Variants in RALGAPA1 observed in about 807,000 individuals in gnomAD.
RALGAPA1 encodes the protein Ral GTPase activating protein catalytic subunit alpha 1.
Under a neutral mutation model 269.6 loss-of-function variants are expected in RALGAPA1, and 52 were observed. The ratio of observed to expected loss-of-function variants is 0.19; its 90% CI spans 0.15 to 0.24. The LOEUF is 0.24. Ranked by LOEUF, RALGAPA1 falls within the 10% of genes least tolerant of loss-of-function variation. The pLI is 1.00. For synonymous variants in RALGAPA1, 817 were observed against 1,008.3 expected, an observed-to-expected ratio of 0.81 and a Z score of 3.60; for missense variants, 1,917 against 3,013.9, an observed-to-expected ratio of 0.64 and a Z score of 8.52.
At chr14:35,616,987 G>A (rs1482336768) in intron 35 of RALGAPA1, among the ~76,000 whole-genome samples, 1 of 152,126 alleles carries the variant, frequency 6.6e-6, no homozygotes, top group Non-Finnish European at 1.5e-5. Flanking sequence ...AACCGTCTTG[G>A]AAAGAATAAG....
intron 39 of RALGAPA1, among the ~76,000 whole-genome samples, chr14:35,568,735 C>T (rs1269852169): frequency 6.6e-6 from 1 of 152,120 alleles, no homozygotes; most frequent in Non-Finnish European, 1.5e-5. Flanking sequence ...TTGAATAGTT[C>T]CTCCTAATGC....
chr14:35,767,791 G>A (rs2074271764), intron 4 of RALGAPA1, among the ~76,000 whole-genome samples: 1 of 151,912 alleles, frequency 6.6e-6, no homozygotes, highest in East Asian at 1.9e-4. Context: ...TTTTATTGTT[G>A]AGACAGGGTA....
chr14:35,799,197 T>A (rs2076796615), intron 1 of RALGAPA1, among the ~76,000 whole-genome samples: 1 of 152,144 alleles, frequency 6.6e-6, no homozygotes, highest in Non-Finnish European at 1.5e-5. Context: ...AAGTAAATTC[T>A]TACAAGGTTC....
chr14:35,789,298 A>G (rs558149376), intron 1 of RALGAPA1, among the ~76,000 whole-genome samples: 3 of 152,044 alleles, frequency 2.0e-5, no homozygotes, highest in South Asian at 2.1e-4. Flanking sequence ...CACCCTCCTT[A>G]TAAGAATCTA....
chr14:35,732,275 A>G (rs2141050211), intron 12 of RALGAPA1, among the ~76,000 whole-genome samples: 1 of 152,306 alleles, frequency 6.6e-6, no homozygotes, highest in East Asian at 1.9e-4. Context: ...ATATCAAAAC[A>G]GAACCTTTTT....
intron 37 of RALGAPA1, among the ~76,000 whole-genome samples, chr14:35,574,324 A>T (rs2057406195): frequency 6.6e-6 from 1 of 152,210 alleles, no homozygotes; most frequent in South Asian, 2.1e-4. Context: ...AAAAAGGGCA[A>T]GTATACTTTT....
At chr14:35,797,051 GTA>G (rs1055576092) in intron 1 of RALGAPA1, among the ~76,000 whole-genome samples, 24 of 151,948 alleles carry the variant, frequency 1.6e-4, no homozygotes, top group Admixed American at 5.3e-4. Context: ...CCTCCCGAAA[GTA>G]TCTTTAAAAA....
chr14:35,688,905 T>C lies in RALGAPA1; in HGVS notation c.3506A>G (p.Asn1169Ser). Residue 1169 changes from asparagine (N) to serine (S), a missense_variant, in exon 18 of 42, where the codon AAC becomes AGC. Coordinates refer to ENST00000680220, the MANE Select transcript of RALGAPA1 (RefSeq NM_001346249.2). ...TCTCATCTTCCATGGAGCCTCTTTG[T>C]TTTCCAGAGGATTATAAAACTGAAC... is the stretch of plus-strand genomic sequence containing the variant. ...ESVQFYNPLE[N>S]KEAPWKMRLR... 45 of 1,262,952 alleles carry C rather than the reference T, an allele frequency of 3.6e-5. No homozygotes were observed. Among genetic ancestry groups the C allele is most frequent in the Non-Finnish European group, 4.4e-5 (44 of 1,006,120 alleles). 78.2% of individuals were successfully genotyped at this position (1,262,952 alleles called of 1,614,324 possible).
At chr14:35,552,503 T>C (rs577873114) in intron 39 of RALGAPA1, among the ~76,000 whole-genome samples, 129 of 152,180 alleles carry the variant, frequency 8.5e-4, no homozygotes, top group Non-Finnish European at 1.4e-3. Flanking sequence ...CCTGTTGCCA[T>C]TGGCATTGAA....
chr14:35,759,686 A>G (rs527831629), intron 6 of RALGAPA1, among the ~76,000 whole-genome samples: 1 of 152,038 alleles, frequency 6.6e-6, no homozygotes, highest in East Asian at 1.9e-4. Context: ...GAGGCGGACC[A>G]ATCACTTGAG....
At chr14:35,684,558 C>T (rs2065753892) in intron 20 of RALGAPA1, among the ~76,000 whole-genome samples, 1 of 152,160 alleles carries the variant, frequency 6.6e-6, no homozygotes, top group Non-Finnish European at 1.5e-5. Flanking sequence ...AAGAAGGGAT[C>T]ACATTTTTTG....
chr14:35,794,669 G>C (rs1179097256), intron 1 of RALGAPA1, among the ~76,000 whole-genome samples: 1 of 152,158 alleles, frequency 6.6e-6, no homozygotes, highest in Non-Finnish European at 1.5e-5. Context: ...GTGTTAGCCA[G>C]GATGGTCTCA....
Position 35,631,448 on chromosome 14 carries a change from A to T in RALGAPA1, c.5995+3126T>A, listed in dbSNP as rs184358518. Among the ~76,000 whole-genome samples, 25 of 152,312 alleles carry T rather than the reference A, an allele frequency of 1.6e-4. No individual in the cohort carries two copies. The East Asian group carries it at 3.5e-3, about 21-fold the overall frequency. On this transcript the variant is annotated intron_variant, in intron 33 of 41. Coordinates refer to ENST00000680220, the MANE Select transcript of RALGAPA1 (RefSeq NM_001346249.2). The stretch of plus-strand genomic sequence containing the variant: ...TGGAAAAAAATCAAGACTAAACCGA[A>T]TTTTAAATGGTAACAAAAATTAAAA...
chr14:35,645,869 A>G (rs2062405182), intron 31 of RALGAPA1, among the ~76,000 whole-genome samples: 1 of 152,186 alleles, frequency 6.6e-6, no homozygotes, highest in Non-Finnish European at 1.5e-5. Flanking sequence ...GGACAGGGAA[A>G]GCACAAAGTG....
In RALGAPA1 at chr14:35,801,300, G is replaced by A. The variant is rs368340498; in HGVS notation, c.106+7430C>T. 6.8e-5 allele frequency among the ~76,000 whole-genome samples: 10 copies of A among 147,338 alleles called. 1 individual carries two copies. Among genetic ancestry groups the A allele is most frequent in the African/African-American group, 1.8e-4 (7 of 39,924 alleles). ...ACACACACATTTGAGATAGAGTCTCGCTCTGTTGCCCTGGCTGGAGTACAG... is the reference window on the plus strand; with the variant it reads ...ACACACACATTTGAGATAGAGTCTCACTCTGTTGCCCTGGCTGGAGTACAG... On this transcript the variant is annotated intron_variant, in intron 1 of 41. Transcript: ENST00000680220.
rs193184052 is a variant in RALGAPA1 at position 35,693,714 on chromosome 14, T to C, written c.2408-3711A>G. On this transcript the variant is annotated intron_variant, in intron 17 of 41. Transcript: ENST00000680220. Reference sequence around the variant, plus strand: ...GATTTACACAAACTGCTTTTGAACATTGAGAAAATGCTTTGGTAAAATAAA... The same window carrying C: ...GATTTACACAAACTGCTTTTGAACACTGAGAAAATGCTTTGGTAAAATAAA... Among the ~76,000 whole-genome samples the C allele has an allele frequency of 4.3e-3, 654 of 152,150 alleles. 2 individuals are homozygous for C. Among genetic ancestry groups the C allele is most frequent in the Admixed American group, 6.4e-3 (98 of 15,294 alleles).
At chr14:35,550,231 T>C (rs2054864406) in intron 39 of RALGAPA1, among the ~76,000 whole-genome samples, 1 of 152,222 alleles carries the variant, frequency 6.6e-6, no homozygotes, top group African/African-American at 2.4e-5. Flanking sequence ...ACATGCTGAC[T>C]TCATGTCATA....
intron 13 of RALGAPA1, 50 bp downstream of exon 13, chr14:35,728,312 C>T (rs2070158202): frequency 2.1e-6 from 3 of 1,430,174 alleles, no homozygotes; most frequent in Admixed American, 2.5e-5. Flanking sequence ...ATTACTATAC[C>T]TGTGTACACA....
At chr14:35,621,938 T>C (rs1349964597) in intron 35 of RALGAPA1, among the ~76,000 whole-genome samples, 3 of 152,158 alleles carry the variant, frequency 2.0e-5, no homozygotes, top group African/African-American at 7.2e-5. Flanking sequence ...AATTCAACCA[T>C]TGTGGAAGAC....
Sources: gnomAD v4.1 joint callset for allele counts (sites outside exome capture counted in the v4.1 genomes callset) on GRCh38, gnomAD v4.1.1 for gene constraint, MANE v1.5 for transcripts, NCBI Gene and HGNC (gene_info 2026-07-23, HGNC 2026-07-21) for gene names.